Variants in NAV2 observed in about 807,000 individuals in gnomAD.
NAV2 encodes the protein neuron navigator 2.
A neutral mutation model predicts 223.2 loss-of-function variants in NAV2; 54 were observed. The observed-to-expected ratio is 0.24, with a 90% CI of 0.19 to 0.30. The LOEUF (loss-of-function observed/expected upper bound fraction) is 0.30. NAV2 is among the 10% of genes least tolerant of loss of function. The pLI is 1.00. For synonymous variants in NAV2, 1,279 were observed against 1,239.3 expected, an observed-to-expected ratio of 1.03 and a Z score of -0.67; for missense variants, 2,806 against 3,147.5, an observed-to-expected ratio of 0.89 and a Z score of 2.60.
chr11:19,990,919 CTATAAAGAAAAG>C (rs151030904), intron 11 of NAV2, among the ~76,000 whole-genome samples: 11,739 of 152,158 alleles, frequency 0.077, 574 homozygotes, highest in South Asian at 0.11. Flanking sequence ...GCCAAGGAAG[CTATAAAGAAAAG>C]ATGTGAGTTT....
chr11:19,728,922 T>G (rs1000899884), intron 1 of NAV2, among the ~76,000 whole-genome samples: 2 of 152,148 alleles, frequency 1.3e-5, no homozygotes, highest in African/African-American at 4.8e-5. Context: ...CAGAGAAAGG[T>G]CCTATGGGGC....
At chr11:20,071,592 G>A (rs766070206) in intron 22 of NAV2, among the ~76,000 whole-genome samples, 14 of 151,980 alleles carry the variant, frequency 9.2e-5, no homozygotes, top group Admixed American at 1.3e-4. Flanking sequence ...GTATAAAAGT[G>A]TTCCTATTTC....
rs1168966595 is a variant in NAV2, at chr11:19,714,385, G to GC, written c.267+427dup. On this transcript the variant is annotated intron_variant, in intron 1 of 37. Coordinates refer to ENST00000349880, the MANE Select transcript of NAV2 (RefSeq NM_145117.5). ...TGTTCCGGACAAGGAATGATCTAAGGCCCCATTGGGTTCGACGCCCCCTAG... is the reference window on the plus strand; with the variant it reads ...TGTTCCGGACAAGGAATGATCTAAGGCCCCCATTGGGTTCGACGCCCCCTAG... 6 of 466,864 alleles carry GC rather than the reference G, an allele frequency of 1.3e-5. No homozygotes were observed. The East Asian group carries it at 3.4e-4, about 26-fold the overall frequency. 28.9% of individuals were successfully genotyped at this position (466,864 alleles called of 1,614,324 possible).
At chr11:19,914,394 C>T (rs2043597060) in intron 6 of NAV2, among the ~76,000 whole-genome samples, 1 of 152,208 alleles carries the variant, frequency 6.6e-6, no homozygotes, top group African/African-American at 2.4e-5. Context: ...ATATCCCTCT[C>T]TTACCCATGG....
intron 1 of NAV2, among the ~76,000 whole-genome samples, chr11:19,700,216 T>C (rs1378138526): frequency 6.6e-6 from 1 of 152,110 alleles, no homozygotes; most frequent in Non-Finnish European, 1.5e-5. Context: ...CCAACAACCC[T>C]ATGAGGGAGG....
chr11:19,759,519 A>C (rs1178259500), intron 1 of NAV2, among the ~76,000 whole-genome samples: 1 of 152,132 alleles, frequency 6.6e-6, no homozygotes, highest in East Asian at 1.9e-4. Context: ...AAAAACAAAA[A>C]CCAAACAAAT....
At chr11:20,099,993 G>A (rs551494114) in intron 31 of NAV2, among the ~76,000 whole-genome samples, 26 of 152,282 alleles carry the variant, frequency 1.7e-4, no homozygotes, top group East Asian at 5.8e-4. Context: ...CATTCTGGAA[G>A]AGTCATTGTA....
chr11:19,801,615 G>A (rs371228811), intron 1 of NAV2, among the ~76,000 whole-genome samples: 1 of 152,190 alleles, frequency 6.6e-6, no homozygotes, highest in African/African-American at 2.4e-5. Flanking sequence ...TCATGAGCCA[G>A]GCTAACACCA....
intron 1 of NAV2, among the ~76,000 whole-genome samples, chr11:19,427,872 T>A (rs1223912235): frequency 6.6e-6 from 1 of 152,222 alleles, no homozygotes; most frequent in African/African-American, 2.4e-5. Context: ...ATCATGTACT[T>A]ATTGATTTCT....
chr11:19,514,519 C>G (rs551805839), intron 1 of NAV2, among the ~76,000 whole-genome samples: 1 of 152,218 alleles, frequency 6.6e-6, no homozygotes, highest in African/African-American at 2.4e-5. Context: ...CCAGAGTACA[C>G]TTTCTCCGCA....
chr11:19,774,504 C>T (rs1034725004), intron 1 of NAV2, among the ~76,000 whole-genome samples: 1 of 152,194 alleles, frequency 6.6e-6, no homozygotes, highest in East Asian at 1.9e-4. Context: ...CCCAGCTGTA[C>T]ACTATACAGG....
At chr11:20,056,950 G>A (rs11025365) in intron 19 of NAV2, among the ~76,000 whole-genome samples, 41,931 of 151,938 alleles carry the variant, frequency 0.28, 6,909 homozygotes, top group East Asian at 0.57. Flanking sequence ...TAACACAGCC[G>A]TAAAGCTCTA....
At chr11:19,725,571 C>T (rs1394608711) in intron 1 of NAV2, among the ~76,000 whole-genome samples, 6 of 152,138 alleles carry the variant, frequency 3.9e-5, no homozygotes, top group Admixed American at 6.5e-5. Context: ...CCAGGAATCC[C>T]GACTGCCTGG....
At chr11:19,587,874 T>G (rs1021680925) in intron 1 of NAV2, among the ~76,000 whole-genome samples, 1 of 152,212 alleles carries the variant, frequency 6.6e-6, no homozygotes, top group Non-Finnish European at 1.5e-5. Flanking sequence ...TTCTAGCCAG[T>G]GGATAGCTCT....
chr11:19,673,125 G>A (rs1281281975), intron 1 of NAV2, among the ~76,000 whole-genome samples: 3 of 152,180 alleles, frequency 2.0e-5, no homozygotes, highest in Non-Finnish European at 4.4e-5. Flanking sequence ...AAGAGAAAAA[G>A]ACTAATACTT....
chr11:19,784,183 G>A lies in NAV2; in HGVS notation c.268-48301G>A, dbSNP rs185441087. On this transcript the variant is annotated intron_variant, in intron 1 of 37. Transcript: ENST00000349880. Reference sequence around the variant, plus strand: ...GTGGGCAGATCACCTGAGGTTGAGAGTTCAAGACCAGCCTGACCAACATGG... The same window carrying A: ...GTGGGCAGATCACCTGAGGTTGAGAATTCAAGACCAGCCTGACCAACATGG... Among the ~76,000 whole-genome samples, 324 of 151,962 alleles carry A rather than the reference G, an allele frequency of 2.1e-3. 2 individuals carry two copies. Among genetic ancestry groups the A allele is most frequent in the African/African-American group, 7.6e-3 (316 of 41,434 alleles).
chr11:19,967,813 A>G (rs2048898041), intron 10 of NAV2, among the ~76,000 whole-genome samples: 1 of 152,186 alleles, frequency 6.6e-6, no homozygotes, highest in Admixed American at 6.5e-5. Flanking sequence ...CAGGGTATCC[A>G]GGTGCCCAGA....
At chr11:20,083,322 A>G (rs1035468875) in intron 26 of NAV2, 143 bp downstream of exon 26, 6 of 631,612 alleles carry the variant, frequency 9.5e-6, no homozygotes, top group Admixed American at 3.2e-5. Flanking sequence ...TGTTCTTTCA[A>G]TGCTTTAGGA....
At chr11:19,614,225 A>G (rs2046726354) in intron 1 of NAV2, among the ~76,000 whole-genome samples, 1 of 152,138 alleles carries the variant, frequency 6.6e-6, no homozygotes, top group Non-Finnish European at 1.5e-5. Flanking sequence ...TGGGGGTTGA[A>G]GAGGAGATGA....
Sources: allele counts gnomAD v4.1 joint callset (sites outside exome capture counted in the v4.1 genomes callset), GRCh38; gene constraint gnomAD v4.1.1; transcripts MANE v1.5; gene names NCBI Gene and HGNC (gene_info 2026-07-23, HGNC 2026-07-21).